PCDHA3: variants seen among roughly 807,000 people sequenced by gnomAD.
PCDHA3 encodes the protein protocadherin alpha 3.
In PCDHA3, 41 loss-of-function variants were observed where a neutral mutation model predicts 62.2. That is an observed-to-expected ratio of 0.66 (90% confidence interval 0.51 to 0.86). The LOEUF (loss-of-function observed/expected upper bound fraction) is 0.86, where lower values mean the gene tolerates loss of function less well. Ranked by LOEUF, PCDHA3 falls within the 40% of genes least tolerant of loss-of-function variation. PCDHA3 has a pLI of 0.00. For missense variants in PCDHA3, 1,304 were observed against 1,241.2 expected, an observed-to-expected ratio of 1.05 and a Z score of -0.76; for synonymous variants, 640 against 555.4, an observed-to-expected ratio of 1.15 and a Z score of -2.14.
intron 1 of PCDHA3, chr5:140,836,978 G>A (rs1774847497): frequency 2.7e-6 from 1 of 370,178 alleles, no homozygotes; most frequent in Admixed American, 4.2e-5. Context: ...TCCATTTTTG[G>A]AGGAGGACTT....
At chr5:140,892,927 C>G (rs1554185442) in intron 1 of PCDHA3, among the ~76,000 whole-genome samples, 1 of 152,152 alleles carries the variant, frequency 6.6e-6, no homozygotes, top group African/African-American at 2.4e-5. Context: ...CCTTCCCAGC[C>G]TCTGATAAGC....
chr5:140,846,135 C>T (rs2150384965), intron 1 of PCDHA3, among the ~76,000 whole-genome samples: 2 of 149,570 alleles, frequency 1.3e-5, no homozygotes, highest in African/African-American at 4.9e-5. Context: ...TGTATGTTTC[C>T]CATATTTAAA....
chr5:140,848,527 G>T lies in PCDHA3; in HGVS notation c.2394+44936G>T, dbSNP rs1379026024. The T allele has an allele frequency of 1.3e-6, 2 of 1,594,382 alleles. 1 individual carries two copies. Among genetic ancestry groups the T allele is most frequent in the Non-Finnish European group, 1.7e-6 (2 of 1,164,866 alleles). On this transcript the variant is annotated intron_variant, in intron 1 of 3. Transcript: ENST00000522353. ...TACTCAAGTCGAGGAGATCCAGAGG[G>T]TCAGCCTCTACTGCTCTCGCTTCTG...
intron 1 of PCDHA3, chr5:140,823,959 G>A (rs2150130810): frequency 1.1e-4 from 177 of 1,613,954 alleles, no homozygotes; most frequent in Non-Finnish European, 1.4e-4. Flanking sequence ...AGCCCACCGA[G>A]GCCGTGTGCA....
At position 140,900,792 on chromosome 5, in the gene PCDHA3, C is replaced by T. The variant is rs373914544; in HGVS notation, c.2395-78157C>T. On this transcript the variant is annotated intron_variant, in intron 1 of 3. Transcript: ENST00000522353. ...CTTTTTGAGGAAACTCCAAACTGTT[C>T]TCCATAGTGCTTGTACTAATTTACA... 1.1e-4 allele frequency among the ~76,000 whole-genome samples: 16 copies of T among 152,298 alleles called. No individual in the cohort carries two copies. The South Asian group carries it at 1.5e-3, about 14-fold the overall frequency.
intron 1 of PCDHA3, among the ~76,000 whole-genome samples, chr5:140,945,758 G>A (rs1483102794): frequency 6.6e-6 from 1 of 152,014 alleles, no homozygotes; most frequent in Non-Finnish European, 1.5e-5. Flanking sequence ...ATAAATGGTG[G>A]TGGGACAATT....
chr5:140,943,719 T>C (rs1198620937), intron 1 of PCDHA3, among the ~76,000 whole-genome samples: 2 of 152,126 alleles, frequency 1.3e-5, no homozygotes, highest in Non-Finnish European at 2.9e-5. Context: ...TTTAAAGGTC[T>C]GAGAGAATGA....
intron 1 of PCDHA3, among the ~76,000 whole-genome samples, chr5:140,935,292 G>A (rs782760921): frequency 3.0e-4 from 46 of 152,068 alleles, no homozygotes; most frequent in Non-Finnish European, 3.8e-4. Context: ...TCAGCACTCC[G>A]AGGTTTTTAC....
chr5:140,862,432 C>T (rs746687465), intron 1 of PCDHA3: 1 of 355,106 alleles, frequency 2.8e-6, no homozygotes, highest in Non-Finnish European at 5.6e-6. Context: ...AGAAACTATT[C>T]GTTGGTACTC....
chr5:140,867,947 C>T (rs1197822100), intron 1 of PCDHA3: 3 of 152,114 alleles, frequency 2.0e-5, no homozygotes, highest in East Asian at 1.9e-4. Context: ...TGAACTTCTG[C>T]TCCCAAACCC....
intron 1 of PCDHA3, chr5:140,883,186 C>T (rs782501193): frequency 1.4e-5 from 23 of 1,613,822 alleles, no homozygotes; most frequent in African/African-American, 2.7e-5. Context: ...GGACAAAAGG[C>T]AAACTAGATT....
chr5:140,849,798 C>T (rs1356253349), intron 1 of PCDHA3: 4 of 1,598,532 alleles, frequency 2.5e-6, no homozygotes, highest in Non-Finnish European at 3.4e-6. Context: ...CTCGCCTTCA[C>T]TGTGGGCCAC....
intron 1 of PCDHA3, chr5:140,866,569 A>G (rs1366987361): frequency 6.6e-6 from 1 of 152,162 alleles, no homozygotes; most frequent in Non-Finnish European, 1.5e-5. Flanking sequence ...TTTTGTTAAT[A>G]CAGTGGTTGG....
intron 1 of PCDHA3, chr5:140,927,861 C>T (rs782305822): frequency 1.2e-6 from 2 of 1,614,042 alleles, no homozygotes; most frequent in East Asian, 2.2e-5. Context: ...TAGCTAGCAC[C>T]GCTAAACTGC....
chr5:140,832,991 T>A (rs1772239778), intron 1 of PCDHA3, among the ~76,000 whole-genome samples: 1 of 152,170 alleles, frequency 6.6e-6, no homozygotes, highest in African/African-American at 2.4e-5. Flanking sequence ...TGAGGAATAG[T>A]CCACTTTGGG....
chr5:140,853,897 G>T lies in PCDHA3; in HGVS notation c.2394+50306G>T, dbSNP rs1222195078. Reference sequence around the variant, plus strand: ...AGTTTCTGTAATTTAAAAAGATGTGGTGGCCTGACACCTGCAATCCCAACA... The same window carrying T: ...AGTTTCTGTAATTTAAAAAGATGTGTTGGCCTGACACCTGCAATCCCAACA... On this transcript the variant is annotated intron_variant, in intron 1 of 3. Coordinates refer to ENST00000522353, the MANE Select transcript of PCDHA3 (RefSeq NM_018906.3). 24 of 967,496 alleles carry T rather than the reference G, an allele frequency of 2.5e-5. 1 individual carries two copies. In the African/African-American group the frequency reaches 4.3e-4, roughly 17 times the overall value. The allele number at this position is 967,496 out of a possible 1,614,324, so 59.9% of individuals were successfully genotyped here.
chr5:140,894,724 C>T (rs1322007306), intron 1 of PCDHA3, among the ~76,000 whole-genome samples: 7 of 151,784 alleles, frequency 4.6e-5, no homozygotes, highest in African/African-American at 9.7e-5. Context: ...TCAAATATTA[C>T]GTAGCAATTT....
intron 1 of PCDHA3, among the ~76,000 whole-genome samples, chr5:140,963,199 A>G (rs955651383): frequency 6.6e-6 from 1 of 152,092 alleles, no homozygotes; most frequent in Non-Finnish European, 1.5e-5. Flanking sequence ...TGAAAATGAA[A>G]AAAAAAACCT....
chr5:140,999,125 G>A (rs1554256627), intron 3 of PCDHA3, among the ~76,000 whole-genome samples: 1 of 152,152 alleles, frequency 6.6e-6, no homozygotes, highest in Non-Finnish European at 1.5e-5. Context: ...TTCTAAGCTG[G>A]AAAATGTCAC....
Sources: allele counts gnomAD v4.1 joint callset (sites outside exome capture counted in the v4.1 genomes callset), GRCh38; gene constraint gnomAD v4.1.1; transcripts MANE v1.5; gene names NCBI Gene and HGNC (gene_info 2026-07-23, HGNC 2026-07-21).